Variants in ASNS observed in about 807,000 individuals in gnomAD.
ASNS encodes asparagine synthetase (glutamine-hydrolyzing).
ASNS carries 37 observed loss-of-function variants against 62.6 expected under a neutral mutation model. That is an observed-to-expected ratio of 0.59 (90% CI 0.45 to 0.78). The LOEUF is 0.78. Among genes scored for constraint, ASNS ranks in the 30% least tolerant of loss-of-function variants. The pLI, the probability that ASNS is intolerant of heterozygous loss-of-function variation, is 0.00. For missense variants in ASNS, 520 were observed against 682.4 expected, an observed-to-expected ratio of 0.76 and a Z score of 2.65; for synonymous variants, 207 against 237.9, an observed-to-expected ratio of 0.87 and a Z score of 1.19.
intron 3 of ASNS, 117 bp downstream of exon 3, chr7:97,868,791 T>G: frequency 7.0e-7 from 1 of 1,429,736 alleles, no homozygotes; most frequent in Non-Finnish European, 9.5e-7. Context: ...GCAAATGAGA[T>G]AACGAACATA....
At chr7:97,906,801 C>G in the ASNS span, 3 of 152,124 alleles carry the variant, frequency 2.0e-5, no homozygotes, top group Non-Finnish European at 1.5e-5. Context: ...AGCCAGCAAG[C>G]TGGAGACCCA....
chr7:97,884,164 C>T, the ASNS span, among the ~76,000 whole-genome samples: 2 of 152,066 alleles, frequency 1.3e-5, no homozygotes, highest in African/African-American at 4.8e-5. Flanking sequence ...AATGTGAGAC[C>T]CTCCATGACC....
chr7:97,887,460 G>A, the ASNS span, among the ~76,000 whole-genome samples: 49 of 152,280 alleles, frequency 3.2e-4, no homozygotes, highest in African/African-American at 8.9e-4. Flanking sequence ...CTGAAGAATC[G>A]GAGTATATTT....
At chr7:97,880,529 AG>A in the ASNS span, among the ~76,000 whole-genome samples, 1 of 152,200 alleles carries the variant, frequency 6.6e-6, no homozygotes, top group Non-Finnish European at 1.5e-5. Flanking sequence ...AGGGGTGTTC[AG>A]AAATAGTTCC....
chr7:97,898,747 A>C, the ASNS span: 20 of 661,434 alleles, frequency 3.0e-5, no homozygotes, highest in Admixed American at 3.0e-4. Flanking sequence ...TCTTGACATC[A>C]ACATGAGCTT....
At chr7:97,859,903 T>G (rs540657783) in intron 4 of ASNS, among the ~76,000 whole-genome samples, 1 of 152,350 alleles carries the variant, frequency 6.6e-6, no homozygotes, top group African/African-American at 2.4e-5. Flanking sequence ...AAGACATCTA[T>G]CCCTTAACTA....
the ASNS span, among the ~76,000 whole-genome samples, chr7:97,919,890 A>G: frequency 6.6e-6 from 1 of 152,202 alleles, no homozygotes; most frequent in Admixed American, 6.5e-5. Context: ...GGAGCAGGTT[A>G]AATAAAGGTG....
chr7:97,913,412 C>G, the ASNS span, among the ~76,000 whole-genome samples: 3 of 152,342 alleles, frequency 2.0e-5, no homozygotes, highest in East Asian at 5.8e-4. Context: ...TGCCCTTCCC[C>G]TATTGCAGAA....
At chr7:97,862,234 G>A (rs143439126) in intron 4 of ASNS, among the ~76,000 whole-genome samples, 2,680 of 152,020 alleles carry the variant, frequency 0.018, 33 homozygotes, top group Admixed American at 0.03. Context: ...AAACCTGCAC[G>A]TTATGCACAT....
chr7:97,854,302 TA>T (rs1372702860), intron 10 of ASNS, among the ~76,000 whole-genome samples: 1 of 152,170 alleles, frequency 6.6e-6, no homozygotes, highest in African/African-American at 2.4e-5. Context: ...TGTTACCCTT[TA>T]AAGGTGAAAA....
chr7:97,928,257 C>T, the ASNS span: 1 of 1,525,222 alleles, frequency 6.6e-7, no homozygotes, highest in Non-Finnish European at 8.8e-7. Flanking sequence ...ATCCCTGCCT[C>T]GGGGCTTGCC....
chr7:97,872,019 A>AG (rs1792296480), intron 1 of ASNS: 1 of 152,088 alleles, frequency 6.6e-6, no homozygotes, highest in South Asian at 2.1e-4. Context: ...ATAGTAAAAA[A>AG]AAGTACACAT....
upstream of ASNS, among the ~76,000 whole-genome samples, chr7:97,876,819 G>A (rs898299708): frequency 4.6e-5 from 7 of 152,282 alleles, no homozygotes; most frequent in African/African-American, 1.2e-4. Context: ...ATCTATCCCT[G>A]AAGGAACAGG....
the ASNS span, among the ~76,000 whole-genome samples, chr7:97,910,211 A>G: frequency 1.3e-5 from 2 of 152,188 alleles, no homozygotes; most frequent in African/African-American, 4.8e-5. Flanking sequence ...CTGAGCCCCT[A>G]ATCATCAGAC....
Position 97,859,212 on chromosome 7 carries a change from C to T in ASNS, c.673+1G>A. The T allele has an allele frequency of 6.3e-7, 1 of 1,599,846 alleles. No homozygotes were observed. Among genetic ancestry groups the T allele is most frequent in the Non-Finnish European group, 8.5e-7 (1 of 1,170,916 alleles). ...GGAATAGGTGGGTGGGTGTCTGCTACCTGGAAAGAGTTTCTCCACATTGTC... is the reference window on the plus strand; with the variant it reads ...GGAATAGGTGGGTGGGTGTCTGCTATCTGGAAAGAGTTTCTCCACATTGTC... On this transcript the variant is annotated splice_donor_variant, in intron 5 of 12. Coordinates refer to ENST00000394308, the MANE Select transcript of ASNS (RefSeq NM_001673.5). LOFTEE classifies it high-confidence loss of function.
intron 3 of ASNS, 70 bp downstream of exon 3, chr7:97,868,838 T>C (rs900503765): frequency 1.3e-6 from 2 of 1,584,672 alleles, no homozygotes; most frequent in Non-Finnish European, 1.7e-6. Flanking sequence ...ATACAGAATA[T>C]GTAACATCAT....
rs758738963 is a variant in ASNS at position 97,856,684 on chromosome 7, C to T, written c.1030+6G>A. ...CTTTTTATTTAAGAATATCATAATA[C>T]CTTACCTACTGAAGCACGAACTGTT... On this transcript the variant is annotated splice_donor_region_variant and intron_variant, in intron 8 of 12. Transcript: ENST00000394308. 37 of 1,592,244 alleles carry T rather than the reference C, an allele frequency of 2.3e-5. No homozygotes were observed. In the South Asian group the frequency reaches 4.0e-4, roughly 17 times the overall value.
intron 3 of ASNS, among the ~76,000 whole-genome samples, chr7:97,868,533 G>GTGTGTGTA (rs1554350470): frequency 5.7e-5 from 7 of 123,644 alleles, no homozygotes; most frequent in African/African-American, 2.0e-4. Flanking sequence ...GTGTGTGTGT[G>GTGTGTGTA]TGTGTGTGTG....
In ASNS at chr7:97,859,515, T is replaced by A. The variant is rs1248229413; in HGVS notation, c.488-117A>T. On this transcript the variant is annotated intron_variant, in intron 4 of 12. Transcript: ENST00000394308. ...CCTTTTTAATACAAACACATACCCA[T>A]TAAATAAGCAAAATAGGAAAAAAAA... 6 of 1,119,404 alleles carry A rather than the reference T, an allele frequency of 5.4e-6. No homozygotes were observed. The Admixed American group carries it at 1.9e-4, about 36-fold the overall frequency. The allele number at this position is 1,119,404 out of a possible 1,614,324, so 69.3% of individuals were successfully genotyped here.
Sources: gnomAD v4.1 joint callset for allele counts (sites outside exome capture counted in the v4.1 genomes callset) on GRCh38, gnomAD v4.1.1 for gene constraint, MANE v1.5 for transcripts, NCBI Gene and HGNC (gene_info 2026-07-23, HGNC 2026-07-21) for gene names.